RIMS2: variants seen among roughly 807,000 people sequenced by gnomAD.
The protein encoded by RIMS2 is regulating synaptic membrane exocytosis protein 2.
In RIMS2, 59 loss-of-function variants were observed where a neutral mutation model predicts 174.4. That is an observed-to-expected ratio of 0.34 (90% confidence interval 0.27 to 0.42). The LOEUF is 0.42. Among genes scored for constraint, RIMS2 ranks in the 10% least tolerant of loss-of-function variants. The pLI, the probability that RIMS2 is intolerant of heterozygous loss-of-function variation, is 1.00. For missense variants in RIMS2, 1,620 were observed against 1,666.3 expected, an observed-to-expected ratio of 0.97 and a Z score of 0.48; for synonymous variants, 606 against 572.5, an observed-to-expected ratio of 1.06 and a Z score of -0.84.
In RIMS2 at chr8:103,861,676, C is replaced by T. The variant is rs533342635; in HGVS notation, c.699-23622C>T. ...GACTTTTTAATTATAACCATTCTGA[C>T]TGGTGTAAGATGGTATCTCACTGTG... On this transcript the variant is annotated intron_variant, in intron 3 of 23. Coordinates refer to ENST00000504942, the Ensembl canonical transcript of RIMS2. 3.3e-5 allele frequency among the ~76,000 whole-genome samples: 5 copies of T among 152,122 alleles called. 1 individual carries two copies. Among genetic ancestry groups the T allele is most frequent in the Non-Finnish European group, 5.9e-5 (4 of 68,008 alleles).
In RIMS2 at chr8:104,227,282, T is replaced by G. The variant is rs140888435; in HGVS notation, c.3335-17634T>G. Among the ~76,000 whole-genome samples, 762 of 151,706 alleles carry G rather than the reference T, an allele frequency of 5.0e-3. 6 individuals carry two copies. The highest frequency in any genetic ancestry group is 7.4e-3 in the Non-Finnish European group (505 of 67,924). On this transcript the variant is annotated intron_variant, in intron 19 of 23. Transcript: ENST00000504942. ...GATGCTCTCCAAATCTCTGAGGTTT[T>G]TTTTTTTTTTAAGTGAAAGTAGTAA...
chr8:103,686,073 T>A (rs1485326632), intron 1 of RIMS2, among the ~76,000 whole-genome samples: 1 of 152,140 alleles, frequency 6.6e-6, no homozygotes. Context: ...ATCTTTTTTC[T>A]TTTTTTATTT....
At chr8:104,223,531 G>A in intron 19 of RIMS2, 1 of 1,419,680 alleles carries the variant, frequency 7.0e-7, no homozygotes, top group Non-Finnish European at 9.2e-7. Flanking sequence ...CAGAGCCTCA[G>A]GGTCCCGTGG....
chr8:103,738,254 A>G (rs1172666943), intron 2 of RIMS2, among the ~76,000 whole-genome samples: 1 of 152,198 alleles, frequency 6.6e-6, no homozygotes, highest in Non-Finnish European at 1.5e-5. Flanking sequence ...ATAACATATT[A>G]TACACTCCAA....
intron 19 of RIMS2, among the ~76,000 whole-genome samples, chr8:104,073,234 G>A (rs1293062756): frequency 6.6e-6 from 1 of 152,116 alleles, no homozygotes; most frequent in African/African-American, 2.4e-5. Flanking sequence ...TTTATACATG[G>A]AAATTAATAT....
rs1367841849 is a variant in RIMS2, at chr8:103,679,955, A to T, written c.177-17131A>T. On this transcript the variant is annotated intron_variant, in intron 1 of 23. Transcript: ENST00000504942. ...GTCAAACTCATGTTTTCATATTATT[A>T]GTGGTTGCCTTTGCATCGCAGTGGC... Among the ~76,000 whole-genome samples, 3 of 152,038 alleles carry T rather than the reference A, an allele frequency of 2.0e-5. No individual in the cohort carries two copies. In the East Asian group the frequency reaches 5.8e-4, roughly 29 times the overall value.
intron 2 of RIMS2, among the ~76,000 whole-genome samples, chr8:103,699,372 G>A (rs1005835791): frequency 2.0e-5 from 3 of 152,038 alleles, no homozygotes; most frequent in African/African-American, 7.2e-5. Context: ...AACTATGAGT[G>A]TGTGCCACCA....
At chr8:103,772,289 A>T (rs1233376745) in intron 3 of RIMS2, among the ~76,000 whole-genome samples, 1 of 151,996 alleles carries the variant, frequency 6.6e-6, no homozygotes, top group African/African-American at 2.4e-5. Context: ...AATTGTTACT[A>T]GAGTAAGGCT....
intron 3 of RIMS2, among the ~76,000 whole-genome samples, chr8:103,789,450 T>C (rs1294338884): frequency 6.6e-6 from 1 of 152,142 alleles, no homozygotes; most frequent in Non-Finnish European, 1.5e-5. Flanking sequence ...TTTTGATTAG[T>C]TTAAAGTCAA....
At chr8:103,824,564 T>C (rs1325995601) in intron 3 of RIMS2, among the ~76,000 whole-genome samples, 2 of 152,194 alleles carry the variant, frequency 1.3e-5, no homozygotes, top group African/African-American at 4.8e-5. Context: ...TATCTTAAAA[T>C]ATGAGGGCTC....
chr8:104,146,332 T>C (rs2098639771), intron 19 of RIMS2, among the ~76,000 whole-genome samples: 1 of 151,960 alleles, frequency 6.6e-6, no homozygotes, highest in South Asian at 2.1e-4. Context: ...TGAGCTATGA[T>C]TGCACCACTG....
chr8:103,500,706 G>A (rs1165590930), upstream of RIMS2: 5 of 524,908 alleles, frequency 9.5e-6, no homozygotes, highest in African/African-American at 2.0e-5. Context: ...CCTTCCCCAC[G>A]CGCTCGCCCT....
intron 19 of RIMS2, among the ~76,000 whole-genome samples, chr8:104,069,702 TG>T (rs2097165308): frequency 6.6e-6 from 1 of 151,998 alleles, no homozygotes. Context: ...ACTCCTGACC[TG>T]GCGATCCGCC....
intron 19 of RIMS2, among the ~76,000 whole-genome samples, chr8:104,229,039 TG>T (rs2099208030): frequency 6.6e-6 from 1 of 152,204 alleles, no homozygotes; most frequent in Admixed American, 6.5e-5. Flanking sequence ...TTTAATAGAC[TG>T]AGTTCTACAA....
At chr8:103,547,039 A>G (rs1845451286) in intron 1 of RIMS2, among the ~76,000 whole-genome samples, 1 of 152,200 alleles carries the variant, frequency 6.6e-6, no homozygotes, top group South Asian at 2.1e-4. Context: ...TCCCATGGAA[A>G]GTGTTCACAG....
At chr8:103,669,699 G>T (rs1009689581) in intron 1 of RIMS2, among the ~76,000 whole-genome samples, 1 of 152,244 alleles carries the variant, frequency 6.6e-6, no homozygotes, top group African/African-American at 2.4e-5. Flanking sequence ...AATGATTTCT[G>T]TTGACTCCAT....
chr8:104,218,381 C>G (rs1469235920), intron 19 of RIMS2, among the ~76,000 whole-genome samples: 1 of 152,102 alleles, frequency 6.6e-6, no homozygotes, highest in Admixed American at 6.5e-5. Flanking sequence ...GCATTCTCCT[C>G]ATCATCAGCT....
intron 3 of RIMS2, among the ~76,000 whole-genome samples, chr8:103,839,875 A>G (rs538366336): frequency 1.6e-4 from 24 of 152,364 alleles, no homozygotes; most frequent in South Asian, 1.0e-3. Context: ...AAACAAAAAC[A>G]AAAACAAAAT....
In RIMS2 at chr8:104,228,024, C is replaced by CTTT. The variant is rs1004772231; in HGVS notation, c.3335-16876_3335-16874dup. ...GCCTCACTCTTTGTGTGTTTCTTTT[C>CTTT]TTTTTTTTTTTTTTTTTTCTTTGAG... On this transcript the variant is annotated intron_variant, in intron 19 of 23. Coordinates refer to ENST00000504942, the Ensembl canonical transcript of RIMS2. 1.1e-3 allele frequency among the ~76,000 whole-genome samples: 147 copies of CTTT among 133,570 alleles called. 1 individual carries two copies. The highest frequency in any genetic ancestry group is 3.7e-3 in the African/African-American group (134 of 36,270). The allele number at this position is 133,570 out of a possible 152,430, so 87.6% of individuals were successfully genotyped here. A position where few individuals can be genotyped will look rare whatever the true frequency, so the allele number is the denominator to read the frequency against.
Sources: gnomAD v4.1 joint callset for allele counts (sites outside exome capture counted in the v4.1 genomes callset) on GRCh38, gnomAD v4.1.1 for gene constraint, MANE v1.5 for transcripts, NCBI Gene and HGNC (gene_info 2026-07-23, HGNC 2026-07-21) for gene names.